Variants in PRPF39 observed in about 807,000 individuals in gnomAD.
PRPF39 encodes the protein pre-mRNA processing factor 39.
A neutral mutation model predicts 82.1 loss-of-function variants in PRPF39; 27 were observed. The observed-to-expected ratio is 0.33, with a 90% CI of 0.24 to 0.45. PRPF39 has a LOEUF of 0.45. Ranked by LOEUF, PRPF39 falls within the 20% of genes least tolerant of loss-of-function variation. PRPF39 has a pLI of 1.00. For missense variants in PRPF39, 581 were observed against 796.9 expected (o/e 0.73, Z 3.26); for synonymous variants, 261 against 256.4 (o/e 1.02, Z -0.17).
chr14:45,112,248 A>C, intron 10 of PRPF39, 70 bp from the exon 11 acceptor site: 1 of 1,257,406 alleles, frequency 8.0e-7, no homozygotes, highest in African/African-American at 1.6e-5. Flanking sequence ...ATAAAAACTA[A>C]GGCATTTTAA....
intron 5 of PRPF39, among the ~76,000 whole-genome samples, chr14:45,105,137 C>T (rs1884487082): frequency 6.6e-6 from 1 of 152,162 alleles, no homozygotes; most frequent in Admixed American, 6.6e-5. Context: ...GGCAGTCAGC[C>T]AGTCTTTACT....
chr14:45,092,350 C>T (rs1884056753), intron 1 of PRPF39, among the ~76,000 whole-genome samples: 1 of 152,090 alleles, frequency 6.6e-6, no homozygotes, highest in Non-Finnish European at 1.5e-5. Flanking sequence ...CGCCTATAAT[C>T]CCAGCGCTTT....
Position 45,095,407 on chromosome 14 carries a change from A to G in PRPF39, c.168A>G (p.Glu56=), listed in dbSNP as rs774322943. 1 of 1,614,022 alleles carries G rather than the reference A, an allele frequency of 6.2e-7. No homozygotes were observed. Among genetic ancestry groups the G allele is most frequent in the African/African-American group, 1.3e-5 (1 of 75,064 alleles). Residue 56 remains glutamate, a synonymous_variant, in exon 2 of 14, where the codon GAA becomes GAG. Coordinates refer to ENST00000355765, the MANE Select transcript of PRPF39 (RefSeq NM_017922.4). ...DDSPNVNAST[E]ETEMASAVDL... Reference sequence around the variant, plus strand: ...CTCCCAATGTGAATGCATCTACAGAAGAAACTGAAATGGCAAGTGCTGTGG... The same window carrying G: ...CTCCCAATGTGAATGCATCTACAGAGGAAACTGAAATGGCAAGTGCTGTGG...
chr14:45,108,385 GATTT>G lies in PRPF39; in HGVS notation c.904-25_904-22del, dbSNP rs753780153. The G allele has an allele frequency of 1.5e-5, 24 of 1,558,564 alleles. No individual in the cohort carries two copies. In the Admixed American group the frequency reaches 2.0e-4, roughly 13 times the overall value. On this transcript the variant is annotated intron_variant, in intron 6 of 13. Transcript: ENST00000355765. Reference sequence around the variant, plus strand: ...AAAATTTTCAGTATACAGTTTGTGAGATTTATTTTTTTCCCTTTTTCTTCCCAAG... The same window carrying G: ...AAAATTTTCAGTATACAGTTTGTGAGATTTTTTTCCCTTTTTCTTCCCAAG...
At chr14:45,096,597 C>T (rs1884208365) in intron 3 of PRPF39, 3 of 1,452,266 alleles carry the variant, frequency 2.1e-6, no homozygotes, top group Non-Finnish European at 1.8e-6. Context: ...TTTGGTCAGA[C>T]GCTGTCATTG....
intron 4 of PRPF39, among the ~76,000 whole-genome samples, chr14:45,099,655 AG>A (rs1305187940): frequency 1.3e-5 from 2 of 152,060 alleles, no homozygotes; most frequent in African/African-American, 4.8e-5. Flanking sequence ...CGTGTTAGCC[AG>A]GATGATCTGC....
intron 4 of PRPF39, among the ~76,000 whole-genome samples, chr14:45,099,754 A>G (rs1884316554): frequency 6.6e-6 from 1 of 152,288 alleles, no homozygotes; most frequent in African/African-American, 2.4e-5. Context: ...CAGATTCTTA[A>G]TATCCAAGAA....
At chr14:45,093,124 T>G (rs537281099) in intron 1 of PRPF39, among the ~76,000 whole-genome samples, 8 of 152,364 alleles carry the variant, frequency 5.3e-5, no homozygotes, top group Non-Finnish European at 1.2e-4. Context: ...CATGTGTGTA[T>G]GCATATATAT....
chr14:45,090,732 TTGTGTG>T (rs142126031), intron 1 of PRPF39, among the ~76,000 whole-genome samples: 2 of 151,826 alleles, frequency 1.3e-5, no homozygotes, highest in East Asian at 3.8e-4. Flanking sequence ...GTGTATGTGT[TTGTGTG>T]TGTGTGTATG....
chr14:45,088,333 A>T (rs1359104274), intron 1 of PRPF39: 1 of 162,936 alleles, frequency 6.1e-6, no homozygotes, highest in Non-Finnish European at 1.3e-5. Context: ...TTAAAAAGCA[A>T]ACTTTGCCCA....
rs758841087 is a variant in PRPF39, at chr14:45,116,264, G to A, written c.*1351G>A. On this transcript the variant is annotated 3_prime_UTR_variant, in exon 14 of 14. Coordinates refer to ENST00000355765, the MANE Select transcript of PRPF39 (RefSeq NM_017922.4). ...CATTTGGTGGAATTCTGTTGAAGAA[G>A]TCAAGGTACATTTGATAAAAAGTGC... 1 of 1,609,678 alleles carries A rather than the reference G, an allele frequency of 6.2e-7. No homozygotes were observed. The highest frequency in any genetic ancestry group is 8.5e-7 in the Non-Finnish European group (1 of 1,176,230).
intron 4 of PRPF39, among the ~76,000 whole-genome samples, chr14:45,098,588 A>T (rs1340873852): frequency 6.6e-6 from 1 of 151,838 alleles, no homozygotes; most frequent in Non-Finnish European, 1.5e-5. Flanking sequence ...TTCTTTGAAC[A>T]TTTAAGGTTT....
chr14:45,109,499 T>C (rs1438923848), intron 7 of PRPF39, 117 bp from the exon 8 acceptor site: 2 of 845,650 alleles, frequency 2.4e-6, no homozygotes, highest in Non-Finnish European at 3.3e-6. Context: ...AATTATGAAA[T>C]ATGATTAAAA....
chr14:45,113,526 G>T (rs1278964494), intron 11 of PRPF39, among the ~76,000 whole-genome samples: 1 of 152,146 alleles, frequency 6.6e-6, no homozygotes, highest in Non-Finnish European at 1.5e-5. Flanking sequence ...TGTGTATTTA[G>T]TGTCTTATGT....
chr14:45,085,803 CTTGTTT>C (rs1489042924), intron 1 of PRPF39, among the ~76,000 whole-genome samples: 1 of 152,154 alleles, frequency 6.6e-6, no homozygotes, highest in African/African-American at 2.4e-5. Flanking sequence ...TGCAAAGCTA[CTTGTTT>C]TGCTCTACCC....
At chr14:45,085,782 G>A (rs1883806621) in intron 1 of PRPF39, among the ~76,000 whole-genome samples, 2 of 152,114 alleles carry the variant, frequency 1.3e-5, no homozygotes, top group Non-Finnish European at 2.9e-5. Flanking sequence ...TTGTGGATGA[G>A]ATTTGCTTAT....
intron 5 of PRPF39, among the ~76,000 whole-genome samples, chr14:45,104,727 T>C (rs1479390315): frequency 6.6e-6 from 1 of 152,242 alleles, no homozygotes; most frequent in African/African-American, 2.4e-5. Flanking sequence ...AATCCTTCTT[T>C]AGCATGAGGA....
intron 10 of PRPF39, chr14:45,111,057 T>A: frequency 4.3e-6 from 2 of 460,700 alleles, no homozygotes; most frequent in Non-Finnish European, 7.7e-6. Context: ...TGTGATACTT[T>A]ATATTTTCCC....
At chr14:45,113,273 AT>A (rs1884745928) in intron 11 of PRPF39, among the ~76,000 whole-genome samples, 1 of 152,234 alleles carries the variant, frequency 6.6e-6, no homozygotes, top group Non-Finnish European at 1.5e-5. Flanking sequence ...TAATGTTTAT[AT>A]TAGTGTATTT....
Sources: gnomAD v4.1 joint callset for allele counts (sites outside exome capture counted in the v4.1 genomes callset) on GRCh38, gnomAD v4.1.1 for gene constraint, MANE v1.5 for transcripts, NCBI Gene and HGNC (gene_info 2026-07-23, HGNC 2026-07-21) for gene names.